Variants in GALNT2 observed in about 807,000 individuals in gnomAD.
GALNT2 encodes the protein polypeptide N-acetylgalactosaminyltransferase 2, also known as UDP-GalNAc:polypeptide N-acetylgalactosaminyltransferase 2.
In GALNT2, 31 loss-of-function variants were observed where a neutral mutation model predicts 81.4. That is an observed-to-expected ratio of 0.38 (90% CI 0.29 to 0.51). The LOEUF is 0.51. Ranked by LOEUF, GALNT2 falls within the 20% of genes least tolerant of loss-of-function variation. GALNT2 has a pLI of 0.87. For synonymous variants in GALNT2, 303 were observed against 287.4 expected (o/e 1.05, Z -0.55); for missense variants, 629 against 765.7 (o/e 0.82, Z 2.11).
chr1:230,181,558 C>CT (rs1245134286), intron 2 of GALNT2, among the ~76,000 whole-genome samples: 3,260 of 143,060 alleles, frequency 0.023, 81 homozygotes, highest in African/African-American at 0.055. Context: ...CTTTCGTTTC[C>CT]TTTTTTTTTT....
At chr1:230,226,176 A>G (rs1051061857) in intron 3 of GALNT2, among the ~76,000 whole-genome samples, 1 of 152,218 alleles carries the variant, frequency 6.6e-6, no homozygotes, top group African/African-American at 2.4e-5. Flanking sequence ...TTCTGTGTCC[A>G]TGGGCAGCTG....
intron 1 of GALNT2, among the ~76,000 whole-genome samples, chr1:230,129,483 A>G (rs1356980961): frequency 2.0e-5 from 3 of 152,028 alleles, no homozygotes; most frequent in African/African-American, 7.2e-5. Context: ...ATGTCTGGCT[A>G]ACTTTTTAAT....
intron 2 of GALNT2, among the ~76,000 whole-genome samples, chr1:230,192,512 G>A (rs6663864): frequency 0.11 from 17,442 of 152,122 alleles, 1,955 homozygotes; most frequent in East Asian, 0.52. Context: ...AAAGAAGATT[G>A]GTCAAGACCA....
chr1:230,192,486 T>G (rs1320974324), intron 2 of GALNT2, among the ~76,000 whole-genome samples: 1 of 152,206 alleles, frequency 6.6e-6, no homozygotes, highest in African/African-American at 2.4e-5. Context: ...ATATTATTAC[T>G]GATATTTAGG....
chr1:230,214,936 A>T (rs1247109688), intron 3 of GALNT2, among the ~76,000 whole-genome samples: 1 of 151,898 alleles, frequency 6.6e-6, no homozygotes, highest in African/African-American at 2.4e-5. Flanking sequence ...TCTTCATTTC[A>T]GTGATTGTGT....
chr1:230,265,253 T>G lies in GALNT2; in HGVS notation c.1326T>G (p.His442Gln), dbSNP rs1665999650. 6.2e-7 allele frequency: 1 copy of G among 1,614,094 alleles called. No individual in the cohort carries two copies. Among genetic ancestry groups the G allele is most frequent in the Non-Finnish European group, 8.5e-7 (1 of 1,180,044 alleles). The change falls in exon 14 of 16, where the codon CAT (histidine) becomes CAG (glutamine). Residue 442 changes from histidine to glutamine, a missense_variant. His to Gln is a conservative substitution (Grantham distance 24). Transcript: ENST00000366672. ...NVYPELRVPD[H>Q]QDIAFGALQQ... The stretch of plus-strand genomic sequence containing the variant: ...CGTTGTTTTTCAGGGTTCCAGACCA[T>G]CAGGATATAGCTTTTGGGGCCTTGC...
intron 1 of GALNT2, among the ~76,000 whole-genome samples, chr1:230,139,316 T>G (rs1661656817): frequency 6.6e-6 from 1 of 152,232 alleles, no homozygotes; most frequent in African/African-American, 2.4e-5. Flanking sequence ...TGAAGCCAAG[T>G]GCTCCTTCCT....
At chr1:230,199,005 T>C (rs1435135923) in intron 2 of GALNT2, among the ~76,000 whole-genome samples, 1 of 152,238 alleles carries the variant, frequency 6.6e-6, no homozygotes, top group Non-Finnish European at 1.5e-5. Context: ...TAAAATGTTA[T>C]ATCTTTGAAG....
At chr1:230,156,255 G>A (rs917749741) in intron 1 of GALNT2, among the ~76,000 whole-genome samples, 4 of 151,936 alleles carry the variant, frequency 2.6e-5, no homozygotes, top group Non-Finnish European at 5.9e-5. Flanking sequence ...GTGTGTGTGT[G>A]TGTGTGTGTG....
intron 1 of GALNT2, among the ~76,000 whole-genome samples, chr1:230,122,126 G>A (rs1013087044): frequency 1.1e-4 from 16 of 151,880 alleles, no homozygotes; most frequent in African/African-American, 3.9e-4. Flanking sequence ...TGAACAGGTT[G>A]TTTGCCAGGA....
At chr1:230,249,684 CT>C (rs11324685) in intron 9 of GALNT2, among the ~76,000 whole-genome samples, 137,157 of 152,254 alleles carry the variant, frequency 0.9, 62,014 homozygotes, top group East Asian at 1. Flanking sequence ...GAAGCCCATG[CT>C]TTTAAGATTC....
intron 3 of GALNT2, among the ~76,000 whole-genome samples, chr1:230,208,476 G>C (rs913447258): frequency 2.0e-5 from 3 of 152,174 alleles, no homozygotes; most frequent in Admixed American, 1.3e-4. Context: ...GTAGGTGGTG[G>C]GATATGTGTC....
chr1:230,099,381 T>G (rs1343988516), intron 1 of GALNT2, among the ~76,000 whole-genome samples: 1 of 152,042 alleles, frequency 6.6e-6, no homozygotes, highest in Non-Finnish European at 1.5e-5. Flanking sequence ...TTGGGGAATC[T>G]GGGGGTAAGC....
In GALNT2 at chr1:230,243,084, C is replaced by T. The variant is rs1387793384; in HGVS notation, c.608-222C>T. ...TCTCAGAAGACGGTAGTTCTAAGAA[C>T]GTTGTCCTCCCAGTCATCCAATATA... On this transcript the variant is annotated intron_variant, in intron 6 of 15. Coordinates refer to ENST00000366672, the MANE Select transcript of GALNT2 (RefSeq NM_004481.5). The surrounding 1 kb of genome is among the most constrained non-coding windows in gnomAD (Gnocchi z 4.2). Among the ~76,000 whole-genome samples, 2 of 152,196 alleles carry T rather than the reference C, an allele frequency of 1.3e-5. No individual in the cohort carries two copies. The highest frequency in any genetic ancestry group is 2.9e-5 in the Non-Finnish European group (2 of 68,032).
At chr1:230,167,986 A>G in intron 1 of GALNT2, among the ~76,000 whole-genome samples, 1 of 151,330 alleles carries the variant, frequency 6.6e-6, no homozygotes, top group Non-Finnish European at 1.5e-5. Flanking sequence ...TTGTAAAGAG[A>G]CATTTTCTAG....
intron 1 of GALNT2, among the ~76,000 whole-genome samples, chr1:230,150,146 A>C (rs1196214869): frequency 3.3e-5 from 5 of 152,192 alleles, no homozygotes; most frequent in African/African-American, 1.2e-4. Context: ...GGAGCCCATG[A>C]GTGGCTTAAA....
intron 15 of GALNT2, among the ~76,000 whole-genome samples, chr1:230,276,385 G>T (rs2102784262): frequency 6.6e-6 from 1 of 152,208 alleles, no homozygotes; most frequent in Non-Finnish European, 1.5e-5. Context: ...TGTTCTTACA[G>T]TCGGTCCTTA....
chr1:230,232,655 C>T (rs929082790), intron 3 of GALNT2, among the ~76,000 whole-genome samples: 2 of 152,198 alleles, frequency 1.3e-5, no homozygotes, highest in African/African-American at 4.8e-5. Context: ...CCTCCTAACG[C>T]GGAGTCCTTA....
Position 230,203,274 on chromosome 1 carries a change from G to C in GALNT2, c.358G>C (p.Asp120His), listed in dbSNP as rs143344842. The change falls in exon 3 of 16, where the codon GAC (aspartate) becomes CAC (histidine). Residue 120 changes from aspartate to histidine, a missense_variant. Coordinates refer to ENST00000366672, the MANE Select transcript of GALNT2 (RefSeq NM_004481.5). ...GCTTCGAATGGACAGAGCCATCCCT[G>C]ACACCCGGCATGACCAGTAAGTACC... The part of the protein sequence containing the change: ...DKLRMDRAIP[D>H]TRHDQCQRKQ... 6.2e-7 allele frequency: 1 copy of C among 1,614,092 alleles called. No homozygotes were observed. Among genetic ancestry groups the C allele is most frequent in the Non-Finnish European group, 8.5e-7 (1 of 1,179,990 alleles).
Sources: allele counts gnomAD v4.1 joint callset (sites outside exome capture counted in the v4.1 genomes callset), GRCh38; gene constraint gnomAD v4.1.1; non-coding constraint Gnocchi (gnomAD v3.1); transcripts MANE v1.5; gene names NCBI Gene and HGNC (gene_info 2026-07-23, HGNC 2026-07-21).